Variants in YWHAE observed in about 807,000 individuals in gnomAD.
YWHAE encodes the protein 14-3-3 protein epsilon.
A neutral mutation model predicts 30.1 loss-of-function variants in YWHAE; 4 were observed. The ratio of observed to expected loss-of-function variants is 0.13; its 90% CI spans 0.07 to 0.30. The LOEUF (loss-of-function observed/expected upper bound fraction) is 0.30. YWHAE is among the 10% of genes least tolerant of loss of function. YWHAE has a pLI of 1.00. For synonymous variants in YWHAE, 118 were observed against 111.8 expected, an observed-to-expected ratio of 1.06 and a Z score of -0.35; for missense variants, 121 against 315.9, an observed-to-expected ratio of 0.38 and a Z score of 4.68.
At position 1,361,027 on chromosome 17, in the gene YWHAE, G is replaced by A. The variant is rs73288544; in HGVS notation, c.578+65C>T. On this transcript the variant is annotated intron_variant, in intron 4 of 5. Transcript: ENST00000264335. ...AAAGACAGGCCCAAGAAACAACACG[G>A]AAAACCCAAACAGCGCCCCCCTTAA... 10,667 of 1,485,658 alleles carry A rather than the reference G, an allele frequency of 7.2e-3. 635 individuals carry two copies. The African/African-American group carries it at 0.13, about 18-fold the overall frequency. The allele number at this position is 1,485,658 out of a possible 1,614,324, so 92.0% of individuals were successfully genotyped here.
At chr17:1,397,232 C>T (rs572082950) in intron 1 of YWHAE, among the ~76,000 whole-genome samples, 3 of 152,196 alleles carry the variant, frequency 2.0e-5, no homozygotes, top group African/African-American at 7.2e-5. Context: ...ATTTCATATA[C>T]GGGACAGTAA....
intron 5 of YWHAE, among the ~76,000 whole-genome samples, chr17:1,349,233 C>CA (rs1391146541): frequency 6.6e-6 from 1 of 151,918 alleles, no homozygotes. Context: ...CCCAGCAACT[C>CA]AGAGAGGACG....
At position 1,345,289 on chromosome 17, in the gene YWHAE, TAAAAA is replaced by T. The variant is rs566935846; in HGVS notation, c.*153_*157del. ...CCTTTAAGAACTTTTGAAAACTGTT[TAAAAA>T]AAAAAAAAAAAAACCAACAGGGCAG... On this transcript the variant is annotated 3_prime_UTR_variant, in exon 6 of 6. Coordinates refer to ENST00000264335, the MANE Select transcript of YWHAE (RefSeq NM_006761.5). 67 of 508,460 alleles carry T rather than the reference TAAAAA, an allele frequency of 1.3e-4. No individual in the cohort carries two copies. Among genetic ancestry groups the T allele is most frequent in the Non-Finnish European group, 1.8e-4 (55 of 299,444 alleles). The allele number at this position is 508,460 out of a possible 1,614,324, so 31.5% of individuals were successfully genotyped here.
At chr17:1,370,534 A>G (rs1340589673) in intron 1 of YWHAE, among the ~76,000 whole-genome samples, 1 of 147,696 alleles carries the variant, frequency 6.8e-6, no homozygotes, top group Non-Finnish European at 1.5e-5. Flanking sequence ...GGGTTCAAGC[A>G]ATTCTCCTGC....
intron 1 of YWHAE, 156 bp downstream of exon 1, chr17:1,399,891 C>G (rs370734909): frequency 3.5e-6 from 3 of 853,178 alleles, no homozygotes; most frequent in Non-Finnish European, 5.8e-6. Flanking sequence ...AGCCTCCCAT[C>G]GCCCCGGGAG....
rs186249474 is a variant in YWHAE, at chr17:1,370,538, C to T, written c.65-5480G>A. 7.5e-3 allele frequency among the ~76,000 whole-genome samples: 1,148 copies of T among 152,196 alleles called. 8 individuals carry two copies. The highest frequency in any genetic ancestry group is 0.034 in the Middle Eastern group (10 of 294). The stretch of plus-strand genomic sequence containing the variant: ...CTCTGCCTCCAGGGTTCAAGCAATT[C>T]TCCTGCCTCAGCCTCCCAAGTAGCT... On this transcript the variant is annotated intron_variant, in intron 1 of 5. Coordinates refer to ENST00000264335, the MANE Select transcript of YWHAE (RefSeq NM_006761.5).
At chr17:1,389,475 C>CT (rs1436123351) in intron 1 of YWHAE, among the ~76,000 whole-genome samples, 2 of 151,748 alleles carry the variant, frequency 1.3e-5, no homozygotes, top group Non-Finnish European at 2.9e-5. Flanking sequence ...CACCATTTTT[C>CT]TTAAGTAATC....
At chr17:1,353,054 C>T (rs574378664) in intron 5 of YWHAE, among the ~76,000 whole-genome samples, 6 of 152,296 alleles carry the variant, frequency 3.9e-5, no homozygotes, top group Admixed American at 2.0e-4. Context: ...CAAATTTGGG[C>T]TCCTGTATTT....
chr17:1,351,632 C>G (rs1470689124), intron 5 of YWHAE, among the ~76,000 whole-genome samples: 2 of 152,100 alleles, frequency 1.3e-5, no homozygotes, highest in African/African-American at 4.8e-5. Flanking sequence ...GTTGTTACAA[C>G]TTTTTTTCTT....
At position 1,357,129 on chromosome 17, in the gene YWHAE, C is replaced by T. The variant is rs531278640; in HGVS notation, c.579-2782G>A. The stretch of plus-strand genomic sequence containing the variant: ...TTAAAAATACAAAAAATAGGCCGGG[C>T]GCGGTGGCTCACACCTGTAATCCCA... On this transcript the variant is annotated intron_variant, in intron 4 of 5. Coordinates refer to ENST00000264335, the MANE Select transcript of YWHAE (RefSeq NM_006761.5). Among the ~76,000 whole-genome samples the T allele has an allele frequency of 1.3e-3, 194 of 151,732 alleles. 1 individual carries two copies. The highest frequency in any genetic ancestry group is 4.2e-3 in the African/African-American group (174 of 41,408).
intron 4 of YWHAE, among the ~76,000 whole-genome samples, chr17:1,360,292 G>GTATAAA (rs1199384198): frequency 1.3e-5 from 2 of 152,078 alleles, no homozygotes; most frequent in Non-Finnish European, 2.9e-5. Context: ...AAAAAGTTAT[G>GTATAAA]TACGTATAAA....
intron 1 of YWHAE, among the ~76,000 whole-genome samples, chr17:1,392,504 C>T (rs184022688): frequency 1.2e-4 from 19 of 152,256 alleles, no homozygotes; most frequent in African/African-American, 4.3e-4. Context: ...GCCAACCACC[C>T]GGAACAACAC....
chr17:1,362,309 T>G (rs2072876642), intron 2 of YWHAE, among the ~76,000 whole-genome samples: 1 of 152,072 alleles, frequency 6.6e-6, no homozygotes, highest in African/African-American at 2.4e-5. Flanking sequence ...TACCAATGAC[T>G]AAAACTGAAC....
intron 1 of YWHAE, among the ~76,000 whole-genome samples, chr17:1,396,645 C>T (rs2073476364): frequency 6.6e-6 from 1 of 152,074 alleles, no homozygotes; most frequent in African/African-American, 2.4e-5. Context: ...CTATATTCCC[C>T]GTTTTTTATT....
chr17:1,384,239 T>C (rs1458751208), intron 1 of YWHAE, among the ~76,000 whole-genome samples: 1 of 151,900 alleles, frequency 6.6e-6, no homozygotes, highest in Non-Finnish European at 1.5e-5. Context: ...TAGCCAGGCA[T>C]GGTGGGCACA....
intron 5 of YWHAE, among the ~76,000 whole-genome samples, chr17:1,353,723 C>G (rs182070094): frequency 4.0e-5 from 6 of 150,978 alleles, no homozygotes; most frequent in African/African-American, 1.5e-4. Context: ...GAGATTGAGC[C>G]ACCGCACTCC....
chr17:1,347,867 CAG>C (rs1396152662), intron 5 of YWHAE: 1 of 758,208 alleles, frequency 1.3e-6, no homozygotes, highest in African/African-American at 1.9e-5. Context: ...GTGGAACAGG[CAG>C]AGTCTGTAAG....
rs974225800 is a variant in YWHAE, at chr17:1,383,639, C to T, written c.64+16408G>A. 6.6e-5 allele frequency among the ~76,000 whole-genome samples: 10 copies of T among 151,898 alleles called. No homozygotes were observed. In the South Asian group the frequency reaches 1.3e-3, roughly 19 times the overall value. On this transcript the variant is annotated intron_variant, in intron 1 of 5. Transcript: ENST00000264335. ...CTGACCTCAGGTGATCCACCCGCCT[C>T]GGCCTCCCAAAGTACTAGGATTACA...
Position 1,400,032 on chromosome 17 carries a change from G to GGCCC in YWHAE, c.64+14_64+15insGGGC. Reference sequence around the variant, plus strand: ...GGTCCGAGAATTCCAGCCCCCCGTTGCCCCCCCAACTCACCGTCGTATCGC... The same window carrying GGCCC: ...GGTCCGAGAATTCCAGCCCCCCGTTGGCCCCCCCCCCAACTCACCGTCGTATCGC... On this transcript the variant is annotated intron_variant, in intron 1 of 5. Transcript: ENST00000264335. 6.2e-7 allele frequency: 1 copy of GGCCC among 1,607,238 alleles called. No homozygotes were observed. Among genetic ancestry groups the GGCCC allele is most frequent in the Non-Finnish European group, 8.5e-7 (1 of 1,174,438 alleles).
Sources: allele counts gnomAD v4.1 joint callset (sites outside exome capture counted in the v4.1 genomes callset), GRCh38; gene constraint gnomAD v4.1.1; transcripts MANE v1.5; gene names NCBI Gene and HGNC (gene_info 2026-07-23, HGNC 2026-07-21).